HERC1: variants seen among roughly 807,000 people sequenced by gnomAD.
HERC1 encodes the protein probable E3 ubiquitin-protein ligase HERC1.
A neutral mutation model predicts 554.3 loss-of-function variants in HERC1; 160 were observed. That is an observed-to-expected ratio of 0.29 (90% CI 0.25 to 0.33). The LOEUF is 0.33. HERC1 is among the 10% of genes least tolerant of loss of function. HERC1 has a pLI of 1.00. For missense variants in HERC1, 4,919 were observed against 5,918.5 expected, an observed-to-expected ratio of 0.83 and a Z score of 5.54; for synonymous variants, 2,175 against 2,131.7, an observed-to-expected ratio of 1.02 and a Z score of -0.56.
At chr15:63,826,814 A>AAAAT (rs1567168622) in intron 1 of HERC1, among the ~76,000 whole-genome samples, 2 of 22,262 alleles carry the variant, frequency 9.0e-5, no homozygotes, top group East Asian at 1.7e-3. Flanking sequence ...AAAAAAAAAA[A>AAAAT]ATATATATAT....
rs776019414 is a variant in HERC1 at position 63,756,933 on chromosome 15, T to A, written c.1222-185A>T. Among the ~76,000 whole-genome samples, 4 of 152,198 alleles carry A rather than the reference T, an allele frequency of 2.6e-5. No homozygotes were observed. Among genetic ancestry groups the A allele is most frequent in the Non-Finnish European group, 5.9e-5 (4 of 68,036 alleles). On this transcript the variant is annotated intron_variant, in intron 4 of 77. Transcript: ENST00000443617. The surrounding 1 kb of genome is among the most constrained non-coding windows in gnomAD (Gnocchi z 5.0). ...AATGGCCTTTTCATGCTCACAACTT[T>A]GTTGCTGAGTTCAAATTCTTCATGT...
At position 63,672,513 on chromosome 15, in the gene HERC1, C is replaced by A; in HGVS notation, c.8028G>T (p.Met2676Ile). The A allele has an allele frequency of 6.3e-7, 1 of 1,596,826 alleles. No individual in the cohort carries two copies. The highest frequency in any genetic ancestry group is 8.5e-7 in the Non-Finnish European group (1 of 1,171,342). The change falls in exon 39 of 78, where the codon ATG (methionine) becomes ATT (isoleucine). Residue 2676 changes from methionine to isoleucine, a missense_variant. Transcript: ENST00000443617. Reference sequence around the variant, plus strand: ...TTCTCTACCTGAGAAGACTAAGAGGCATCACTCCCGGGGACTCGGATGCAG... The same window carrying A: ...TTCTCTACCTGAGAAGACTAAGAGGAATCACTCCCGGGGACTCGGATGCAG... The part of the protein sequence containing the change: ...TVPASESPGV[M>I]PLSLLRQMFS...
intron 1 of HERC1, among the ~76,000 whole-genome samples, chr15:63,817,922 A>T (rs1198565244): frequency 6.6e-6 from 1 of 152,036 alleles, no homozygotes; most frequent in Non-Finnish European, 1.5e-5. Flanking sequence ...CTGTATGGGA[A>T]TTGAATTATC....
intron 74 of HERC1, 38 bp from the exon 75 acceptor site, chr15:63,616,720 C>A (rs2067833982): frequency 1.3e-6 from 2 of 1,591,226 alleles, no homozygotes; most frequent in Admixed American, 3.4e-5. Flanking sequence ...CAGCATTTTC[C>A]TTATTTCTAT....
chr15:63,802,936 G>A (rs2077037235), intron 1 of HERC1, among the ~76,000 whole-genome samples: 1 of 152,226 alleles, frequency 6.6e-6, no homozygotes, highest in Admixed American at 6.5e-5. Context: ...GGGGCTGCGT[G>A]TGGTGGCTCA....
intron 67 of HERC1, among the ~76,000 whole-genome samples, chr15:63,633,045 C>T (rs2068630303): frequency 6.6e-6 from 1 of 152,178 alleles, no homozygotes; most frequent in African/African-American, 2.4e-5. Context: ...TCCCCAGGGC[C>T]CTGTGTGAAG....
chr15:63,804,813 C>T (rs757200906), intron 1 of HERC1, among the ~76,000 whole-genome samples: 7 of 152,078 alleles, frequency 4.6e-5, no homozygotes, highest in Non-Finnish European at 7.4e-5. Flanking sequence ...GATACATAAA[C>T]AGCCAAAAAA....
intron 50 of HERC1, 54 bp from the exon 51 acceptor site, chr15:63,654,378 G>T: frequency 7.5e-7 from 1 of 1,340,450 alleles, no homozygotes; most frequent in Non-Finnish European, 1.0e-6. Flanking sequence ...AATTAAACCT[G>T]CTTAAACAAA....
At chr15:63,729,692 A>C (rs775666910) in intron 14 of HERC1, 43 bp from the exon 15 acceptor site, 4 of 1,584,828 alleles carry the variant, frequency 2.5e-6, no homozygotes, top group Non-Finnish European at 3.5e-6. Context: ...AAGTGCTTGA[A>C]ACTGAAAGTA....
chr15:63,650,815 A>G (rs1002794553), intron 53 of HERC1, among the ~76,000 whole-genome samples: 4 of 152,242 alleles, frequency 2.6e-5, no homozygotes, highest in African/African-American at 9.6e-5. Context: ...AAATATGTAA[A>G]AACAAATGAA....
At chr15:63,708,955 T>C (rs1013158159) in intron 24 of HERC1, among the ~76,000 whole-genome samples, 14 of 152,176 alleles carry the variant, frequency 9.2e-5, no homozygotes, top group African/African-American at 3.4e-4. Flanking sequence ...ACACTATCTT[T>C]GTAATATTCC....
At chr15:63,678,870 ATTAT>A (rs1256751121) in intron 36 of HERC1, among the ~76,000 whole-genome samples, 1 of 152,218 alleles carries the variant, frequency 6.6e-6, no homozygotes, top group Non-Finnish European at 1.5e-5. Context: ...ATCTTGGGAA[ATTAT>A]TTAATCATTC....
At chr15:63,668,631 G>A (rs754717463) in intron 40 of HERC1, among the ~76,000 whole-genome samples, 4 of 152,122 alleles carry the variant, frequency 2.6e-5, no homozygotes, top group Non-Finnish European at 5.9e-5. Context: ...AGCAGGAGTG[G>A]CTATAACATC....
chr15:63,608,847 A>T lies in HERC1; in HGVS notation c.*234T>A. On this transcript the variant is annotated 3_prime_UTR_variant, in exon 78 of 78. Transcript: ENST00000443617. ...AAACTTATCAAAAGTGACCAAAAAT[A>T]TGGAGGGAAAAACCTGACTGAGAGC... 2 of 375,274 alleles carry T rather than the reference A, an allele frequency of 5.3e-6. No individual in the cohort carries two copies. Among genetic ancestry groups the T allele is most frequent in the Non-Finnish European group, 9.5e-6 (2 of 210,344 alleles). 23.2% of individuals were successfully genotyped at this position (375,274 alleles called of 1,614,324 possible).
intron 3 of HERC1, among the ~76,000 whole-genome samples, chr15:63,762,018 T>C (rs888423925): frequency 1.3e-5 from 2 of 152,210 alleles, no homozygotes; most frequent in African/African-American, 4.8e-5. Context: ...GCAGTAAGCA[T>C]TTCTAGCACC....
In HERC1 at chr15:63,658,616, C is replaced by T; in HGVS notation, c.9527G>A (p.Arg3176Lys). ...AAGAACCTGAGCAGCAGCAGTCACT[C>T]TCCTTAAAGCCACCACACGGTCATG... Reference protein sequence around the residue: ...NPHDRVVALRRVTAAAQVLLA... With the variant: ...NPHDRVVALRKVTAAAQVLLA... The change falls in exon 48 of 78, where the codon AGA becomes AAA. Residue 3176 changes from arginine (R) to lysine (K), a missense_variant. Coordinates refer to ENST00000443617, the MANE Select transcript of HERC1 (RefSeq NM_003922.4). 1.2e-6 allele frequency: 2 copies of T among 1,613,964 alleles called. No homozygotes were observed. The highest frequency in any genetic ancestry group is 2.2e-5 in the South Asian group (2 of 91,080).
intron 42 of HERC1, among the ~76,000 whole-genome samples, chr15:63,665,675 G>A (rs1264676550): frequency 6.6e-6 from 1 of 151,832 alleles, no homozygotes; most frequent in Admixed American, 6.6e-5. Context: ...TCCTTTTTCA[G>A]TACAATTTTA....
chr15:63,619,259 G>A (rs530021848), intron 74 of HERC1, among the ~76,000 whole-genome samples: 2 of 152,184 alleles, frequency 1.3e-5, no homozygotes, highest in South Asian at 4.1e-4. Context: ...ATAATCATGT[G>A]GTCTTTATCT....
At chr15:63,629,426 AC>A (rs1162480933) in intron 69 of HERC1, among the ~76,000 whole-genome samples, 1 of 152,224 alleles carries the variant, frequency 6.6e-6, no homozygotes, top group Non-Finnish European at 1.5e-5. Flanking sequence ...TTAAGTAATA[AC>A]AGAATGATCT....
Sources: allele counts gnomAD v4.1 joint callset (sites outside exome capture counted in the v4.1 genomes callset), GRCh38; gene constraint gnomAD v4.1.1; non-coding constraint Gnocchi (gnomAD v3.1); transcripts MANE v1.5; gene names NCBI Gene and HGNC (gene_info 2026-07-23, HGNC 2026-07-21).